Variants in PPP4R3A observed in about 807,000 individuals in gnomAD.
The protein encoded by PPP4R3A is serine/threonine-protein phosphatase 4 regulatory subunit 3A.
Under a neutral mutation model 91.7 loss-of-function variants are expected in PPP4R3A, and 15 were observed. The ratio of observed to expected loss-of-function variants is 0.16; its 90% confidence interval spans 0.11 to 0.25. The LOEUF is 0.25. PPP4R3A is among the 10% of genes least tolerant of loss of function. PPP4R3A has a pLI of 1.00. For synonymous variants in PPP4R3A, 377 were observed against 348.7 expected (o/e 1.08, Z -0.91); for missense variants, 623 against 998.4 (o/e 0.62, Z 5.07).
At chr14:91,500,166 T>C (rs548090352) in intron 1 of PPP4R3A, among the ~76,000 whole-genome samples, 2 of 152,360 alleles carry the variant, frequency 1.3e-5, no homozygotes, top group South Asian at 4.1e-4. Context: ...CTGAAATTTT[T>C]TATTCAAGTG....
chr14:91,465,149 C>A, intron 11 of PPP4R3A, 101 bp downstream of exon 11: 4 of 805,032 alleles, frequency 5.0e-6, no homozygotes, highest in Non-Finnish European at 7.0e-6. Context: ...TTTTTTAAAT[C>A]TCTCCAAATA....
chr14:91,490,864 A>T, intron 1 of PPP4R3A, 62 bp from the exon 2 acceptor site: 1 of 875,800 alleles, frequency 1.1e-6, no homozygotes, highest in Non-Finnish European at 1.7e-6. Context: ...ATATTCCCTT[A>T]CATACACACA....
intron 10 of PPP4R3A, among the ~76,000 whole-genome samples, chr14:91,469,713 C>T (rs575404479): frequency 4.6e-5 from 7 of 151,986 alleles, no homozygotes; most frequent in Admixed American, 2.0e-4. Context: ...GGACTATAGG[C>T]GTGCACCACC....
chr14:91,491,078 T>G, intron 1 of PPP4R3A, among the ~76,000 whole-genome samples: 1 of 151,570 alleles, frequency 6.6e-6, no homozygotes. Context: ...GCTAATGTTT[T>G]GTATTTTTAG....
At position 91,461,404 on chromosome 14, in the gene PPP4R3A, G is replaced by A; in HGVS notation, c.2368C>T (p.Gln790Ter). The change falls in exon 14 of 15, where the codon CAG becomes TAG. Residue 790 changes from glutamine (Q) to a stop codon, truncating the protein, a stop_gained. Coordinates refer to ENST00000554943, the MANE Select transcript of PPP4R3A (RefSeq NM_001366432.2). LOFTEE classifies it high-confidence loss of function. ...ACCTTTGTAGTAATAGCTGCCGTCT[G>A]AGATGTATTTTTAGGTACGGATCCA... ...SPGSVPKNTSQTAAITTKGGL... is the reference protein window; with the variant it reads ...SPGSVPKNTS 1 of 1,611,422 alleles carries A rather than the reference G, an allele frequency of 6.2e-7. No individual in the cohort carries two copies. Among genetic ancestry groups the A allele is most frequent in the South Asian group, 1.1e-5 (1 of 91,052 alleles).
At chr14:91,491,804 C>T (rs558557720) in intron 1 of PPP4R3A, among the ~76,000 whole-genome samples, 14 of 152,238 alleles carry the variant, frequency 9.2e-5, no homozygotes, top group Admixed American at 3.3e-4. Context: ...TGCAGTTGTG[C>T]GATCTCAGCT....
intron 4 of PPP4R3A, among the ~76,000 whole-genome samples, chr14:91,478,949 G>A (rs986873804): frequency 1.3e-5 from 2 of 152,122 alleles, no homozygotes; most frequent in African/African-American, 2.4e-5. Flanking sequence ...GATCTTCCAA[G>A]TCATATTACA....
intron 1 of PPP4R3A, among the ~76,000 whole-genome samples, chr14:91,495,099 A>C (rs1224858219): frequency 6.6e-6 from 1 of 152,226 alleles, no homozygotes; most frequent in Non-Finnish European, 1.5e-5. Flanking sequence ...AAGAGAAATG[A>C]ATACATGCCC....
At chr14:91,508,446 A>T (rs147065889) in intron 1 of PPP4R3A, among the ~76,000 whole-genome samples, 6 of 152,330 alleles carry the variant, frequency 3.9e-5, no homozygotes, top group African/African-American at 1.2e-4. Context: ...CGCTACAATC[A>T]TAATAAACTG....
Position 91,509,490 on chromosome 14 carries a change from G to A in PPP4R3A, c.142+16C>T, listed in dbSNP as rs547181204. On this transcript the variant is annotated intron_variant, in intron 1 of 14. Coordinates refer to ENST00000554943, the MANE Select transcript of PPP4R3A (RefSeq NM_001366432.2). ...GTGGGGGCTGCGAGGGTCCCGCCGC[G>A]CGGGGCTTCACTTACCGTCGCTCTC... The A allele has an allele frequency of 4.9e-5, 77 of 1,575,914 alleles. 2 individuals are homozygous for A. The South Asian group carries it at 8.3e-4, about 17-fold the overall frequency.
At chr14:91,463,567 AGGACTATCGGCATGCACCACCATAC>A (rs1375582828) in intron 11 of PPP4R3A, among the ~76,000 whole-genome samples, 43 of 151,540 alleles carry the variant, frequency 2.8e-4, no homozygotes, top group Non-Finnish European at 5.2e-4. Context: ...CTGAGCAGCT[AGGACTATCGGCATGCACCACCATAC>A]GGGGCTAAGT....
At chr14:91,474,392 T>C (rs1889045034) in intron 7 of PPP4R3A, among the ~76,000 whole-genome samples, 1 of 151,954 alleles carries the variant, frequency 6.6e-6, no homozygotes, top group Non-Finnish European at 1.5e-5. Context: ...AAAGGCAGGA[T>C]GGACAAGGGA....
At chr14:91,462,931 A>G (rs1171556317) in intron 11 of PPP4R3A, 54 bp from the exon 12 acceptor site, 5 of 1,372,126 alleles carry the variant, frequency 3.6e-6, no homozygotes, top group Non-Finnish European at 5.0e-6. Flanking sequence ...TTTTAGCAAG[A>G]TGAGGCTTAA....
Position 91,509,740 on chromosome 14 carries a change from C to G in PPP4R3A, c.-93G>C. 7.2e-7 allele frequency: 1 copy of G among 1,382,876 alleles called. No individual in the cohort carries two copies. The allele number at this position is 1,382,876 out of a possible 1,614,324, so 85.7% of individuals were successfully genotyped here. A position where few individuals can be genotyped will look rare whatever the true frequency, so the allele number is the denominator to read the frequency against. ...GAGGGGCGAGGCGTGAGGGCGCCCG[C>G]GAGCGGAGGGCTCCCCGGCCTCACT... On this transcript the variant is annotated 5_prime_UTR_variant, in exon 1 of 15. Coordinates refer to ENST00000554943, the MANE Select transcript of PPP4R3A (RefSeq NM_001366432.2).
intron 10 of PPP4R3A, 88 bp downstream of exon 10, chr14:91,470,749 T>C: frequency 6.9e-7 from 1 of 1,450,360 alleles, no homozygotes; most frequent in Non-Finnish European, 9.4e-7. Flanking sequence ...TCCTGACCTG[T>C]AATCAGTGGT....
chr14:91,484,530 C>A (rs926661228), intron 3 of PPP4R3A, among the ~76,000 whole-genome samples: 5 of 152,190 alleles, frequency 3.3e-5, no homozygotes, highest in African/African-American at 1.2e-4. Context: ...ATATGGCCTG[C>A]AAAGCCTTAA....
chr14:91,458,596 T>C lies in PPP4R3A; in HGVS notation c.*163A>G. ...CTAAATATATGATATCCCCTCCTCC[T>C]GCTCCATTGAATTGGCACTTGATGA... is the stretch of plus-strand genomic sequence containing the variant. On this transcript the variant is annotated 3_prime_UTR_variant, in exon 15 of 15. Coordinates refer to ENST00000554943, the MANE Select transcript of PPP4R3A (RefSeq NM_001366432.2). 2.0e-6 allele frequency: 2 copies of C among 978,930 alleles called. No homozygotes were observed. The highest frequency in any genetic ancestry group is 2.6e-5 in the South Asian group (2 of 77,328). 60.6% of individuals were successfully genotyped at this position (978,930 alleles called of 1,614,324 possible). A position where few individuals can be genotyped will look rare whatever the true frequency, so the allele number is the denominator to read the frequency against.
At chr14:91,500,983 G>A (rs1890910823) in intron 1 of PPP4R3A, among the ~76,000 whole-genome samples, 1 of 152,142 alleles carries the variant, frequency 6.6e-6, no homozygotes, top group Admixed American at 6.5e-5. Context: ...AATGAGCTAT[G>A]ATCACACCAC....
intron 10 of PPP4R3A, among the ~76,000 whole-genome samples, chr14:91,469,700 T>C (rs1957081): frequency 0.38 from 57,626 of 151,788 alleles, 11,144 homozygotes; most frequent in East Asian, 0.47. Context: ...TCCCGAGTAG[T>C]TGGGACTATA....
Sources: gnomAD v4.1 joint callset for allele counts (sites outside exome capture counted in the v4.1 genomes callset) on GRCh38, gnomAD v4.1.1 for gene constraint, MANE v1.5 for transcripts, NCBI Gene and HGNC (gene_info 2026-07-23, HGNC 2026-07-21) for gene names.